Variants in NAV2 observed in about 807,000 individuals in gnomAD.
NAV2 encodes the protein neuron navigator 2.
Under a neutral mutation model 223.2 loss-of-function variants are expected in NAV2, and 54 were observed. That is an observed-to-expected ratio of 0.24 (90% CI 0.19 to 0.30). The LOEUF is 0.30. Among genes scored for constraint, NAV2 ranks in the 10% least tolerant of loss-of-function variants. The pLI, the probability that NAV2 is intolerant of heterozygous loss-of-function variation, is 1.00. For missense variants in NAV2, 2,806 were observed against 3,147.5 expected (o/e 0.89, Z 2.60); for synonymous variants, 1,279 against 1,239.3 (o/e 1.03, Z -0.67).
intron 8 of NAV2, among the ~76,000 whole-genome samples, chr11:19,942,492 T>A (rs1289864633): frequency 6.6e-6 from 1 of 152,248 alleles, no homozygotes; most frequent in East Asian, 1.9e-4. Context: ...AGAGGATAAG[T>A]GACTTGTCCA....
intron 1 of NAV2, among the ~76,000 whole-genome samples, chr11:19,636,491 T>A (rs1418140420): frequency 7.5e-6 from 1 of 132,608 alleles, no homozygotes; most frequent in Non-Finnish European, 1.6e-5. Flanking sequence ...TCTGCAGTAT[T>A]TTTTTTTTTT....
chr11:19,987,913 T>A (rs2050942195), intron 11 of NAV2, among the ~76,000 whole-genome samples: 1 of 152,048 alleles, frequency 6.6e-6, no homozygotes, highest in African/African-American at 2.4e-5. Context: ...AACAGACAGA[T>A]AAAAGGAGCT....
intron 1 of NAV2, 186 bp downstream of exon 1, chr11:19,714,148 C>A (rs980450175): frequency 2.3e-6 from 2 of 871,538 alleles, no homozygotes; most frequent in Admixed American, 4.1e-5. Context: ...GGGTGTGGCC[C>A]GGGTGCCGGA....
At chr11:19,750,730 G>A (rs1185381409) in intron 1 of NAV2, among the ~76,000 whole-genome samples, 1 of 152,220 alleles carries the variant, frequency 6.6e-6, no homozygotes, top group Non-Finnish European at 1.5e-5. Context: ...AAAGGAGGCA[G>A]AGACAGAGTC....
chr11:19,410,640 G>T (rs538398554), intron 1 of NAV2, among the ~76,000 whole-genome samples: 1 of 152,216 alleles, frequency 6.6e-6, no homozygotes, highest in African/African-American at 2.4e-5. Flanking sequence ...GTGTTAGAAA[G>T]AAAAGCATGT....
Position 20,022,276 on chromosome 11 carries a change from G to A in NAV2, c.2769-13683G>A, listed in dbSNP as rs545411140. Among the ~76,000 whole-genome samples the A allele has an allele frequency of 8.5e-5, 13 of 152,300 alleles. No individual in the cohort carries two copies. In the South Asian group the frequency reaches 2.7e-3, roughly 32 times the overall value. ...GTTCTTTCTGAGTGCCTTGATTACA[G>A]GTTTTAATAGGGATTAGTCCATGCA... On this transcript the variant is annotated intron_variant, in intron 11 of 37. Transcript: ENST00000349880.
At chr11:19,473,913 T>C (rs1459500174) in intron 1 of NAV2, among the ~76,000 whole-genome samples, 1 of 152,250 alleles carries the variant, frequency 6.6e-6, no homozygotes, top group Admixed American at 6.5e-5. Flanking sequence ...CATAAAAGGT[T>C]ATGACCTCCT....
chr11:19,379,428 G>C (rs1166221497), intron 1 of NAV2, among the ~76,000 whole-genome samples: 1 of 152,196 alleles, frequency 6.6e-6, no homozygotes, highest in Non-Finnish European at 1.5e-5. Context: ...AATTTCAAGT[G>C]AAATTCAGAA....
intron 10 of NAV2, among the ~76,000 whole-genome samples, chr11:19,977,264 T>C (rs1471569098): frequency 6.6e-6 from 1 of 152,366 alleles, no homozygotes; most frequent in Admixed American, 6.5e-5. Context: ...TCTTGTTTCT[T>C]AACTGTGTGG....
chr11:19,561,334 A>C (rs1590531040), intron 1 of NAV2, among the ~76,000 whole-genome samples: 1 of 152,266 alleles, frequency 6.6e-6, no homozygotes, highest in East Asian at 1.9e-4. Context: ...TCGGGCGGGA[A>C]ACCAGGGAAG....
intron 1 of NAV2, among the ~76,000 whole-genome samples, chr11:19,618,582 G>A (rs2046883879): frequency 6.6e-6 from 1 of 152,142 alleles, no homozygotes; most frequent in Non-Finnish European, 1.5e-5. Flanking sequence ...ATCAGGAGAA[G>A]CAATGGGAAC....
chr11:19,761,599 T>C (rs578181057), intron 1 of NAV2, among the ~76,000 whole-genome samples: 23 of 152,264 alleles, frequency 1.5e-4, no homozygotes, highest in African/African-American at 5.5e-4. Flanking sequence ...ATGGCCAGTG[T>C]CACTGCAGCC....
At chr11:19,788,311 A>G (rs1000323814) in intron 1 of NAV2, among the ~76,000 whole-genome samples, 2 of 152,154 alleles carry the variant, frequency 1.3e-5, no homozygotes, top group Admixed American at 1.3e-4. Context: ...AGGGGGGAAA[A>G]TTGCCCCAGT....
intron 8 of NAV2, among the ~76,000 whole-genome samples, chr11:19,944,697 C>CT (rs2046721247): frequency 5.1e-5 from 6 of 117,056 alleles, no homozygotes; most frequent in African/African-American, 2.1e-4. Context: ...TTCTTTCTTT[C>CT]TTCCTTCTTT....
rs1237969893 is a variant in NAV2, at chr11:19,588,191, C to T, written c.75+237164C>T. ...CCAGTTCAAAGGTACATCTGTTGAC[C>T]CCAGAGTCCACTGGTTAGTCAAATG... On this transcript the variant is annotated intron_variant, in intron 1 of 37. Coordinates refer to the NAV2 transcript ENST00000360655. Among the ~76,000 whole-genome samples, 3 of 152,184 alleles carry T rather than the reference C, an allele frequency of 2.0e-5. No homozygotes were observed. In the East Asian group the frequency reaches 5.8e-4, roughly 29 times the overall value.
chr11:19,671,955 T>G (rs1450714834), intron 1 of NAV2, among the ~76,000 whole-genome samples: 1 of 152,154 alleles, frequency 6.6e-6, no homozygotes, highest in Non-Finnish European at 1.5e-5. Flanking sequence ...AAATGCCCTG[T>G]CTAGAGGGAG....
chr11:20,035,227 G>A (rs1007540908), intron 11 of NAV2, among the ~76,000 whole-genome samples: 1 of 152,068 alleles, frequency 6.6e-6, no homozygotes, highest in Non-Finnish European at 1.5e-5. Flanking sequence ...TGCACATTTG[G>A]ATATGTTTTG....
intron 1 of NAV2, among the ~76,000 whole-genome samples, chr11:19,492,078 A>G (rs974462851): frequency 1.3e-5 from 2 of 152,204 alleles, no homozygotes; most frequent in Non-Finnish European, 2.9e-5. Context: ...TCTTGGGCAC[A>G]GTTTGTGGTA....
intron 1 of NAV2, among the ~76,000 whole-genome samples, chr11:19,547,538 T>C (rs2044542363): frequency 6.6e-6 from 1 of 152,188 alleles, no homozygotes. Flanking sequence ...CTGCACACTG[T>C]GTAATCAGGC....
Sources: gnomAD v4.1 joint callset for allele counts (sites outside exome capture counted in the v4.1 genomes callset) on GRCh38, gnomAD v4.1.1 for gene constraint, MANE v1.5 for transcripts, NCBI Gene and HGNC (gene_info 2026-07-23, HGNC 2026-07-21) for gene names.